Variants in CLVS1 observed in about 807,000 individuals in gnomAD.
CLVS1 encodes the protein clavesin 1.
In CLVS1, 10 loss-of-function variants were observed where a neutral mutation model predicts 33.1. The observed-to-expected ratio is 0.30, with a 90% confidence interval of 0.19 to 0.51. The LOEUF (loss-of-function observed/expected upper bound fraction) is 0.51, where lower values mean the gene tolerates loss of function less well. CLVS1 is among the 20% of genes least tolerant of loss of function. CLVS1 has a pLI of 0.97. For missense variants in CLVS1, 343 were observed against 433.4 expected (o/e 0.79, Z 1.85); for synonymous variants, 163 against 166.1 (o/e 0.98, Z 0.14).
chr8:61,217,373 G>A (rs1808111082), intron 2 of CLVS1, among the ~76,000 whole-genome samples: 1 of 152,144 alleles, frequency 6.6e-6, no homozygotes, highest in South Asian at 2.1e-4. Context: ...GGGAGAAGGA[G>A]GAGGGAAAGT....
intron 5 of CLVS1, among the ~76,000 whole-genome samples, chr8:61,468,716 TAAAAAAA>T (rs5891803): frequency 3.2e-5 from 3 of 92,484 alleles, no homozygotes; most frequent in African/African-American, 4.8e-5. Flanking sequence ...GTAAAAGTAC[TAAAAAAA>T]AAAAAAAAAA....
At chr8:61,145,295 A>T (rs1563419887) in intron 2 of CLVS1, among the ~76,000 whole-genome samples, 1 of 152,268 alleles carries the variant, frequency 6.6e-6, no homozygotes, top group Non-Finnish European at 1.5e-5. Flanking sequence ...TGGGCGAAGG[A>T]TATGAACAGA....
chr8:61,176,506 A>AT (rs574976637), intron 2 of CLVS1, among the ~76,000 whole-genome samples: 79 of 150,194 alleles, frequency 5.3e-4, no homozygotes, highest in East Asian at 2.3e-3. Flanking sequence ...TATGATTATG[A>AT]TTTTTTTTTT....
intron 1 of CLVS1, among the ~76,000 whole-genome samples, chr8:61,127,787 C>G (rs997164359): frequency 2.0e-5 from 3 of 152,062 alleles, no homozygotes; most frequent in Admixed American, 2.0e-4. Context: ...GACAGATATT[C>G]CCTCTCCTCA....
intron 2 of CLVS1, among the ~76,000 whole-genome samples, chr8:61,167,881 C>T (rs1806912738): frequency 6.6e-6 from 1 of 152,164 alleles, no homozygotes; most frequent in Admixed American, 6.5e-5. Context: ...AGAAAGTTAT[C>T]CTATATAGTC....
At chr8:61,309,894 C>T (rs1810775478) in intron 2 of CLVS1, among the ~76,000 whole-genome samples, 1 of 152,228 alleles carries the variant, frequency 6.6e-6, no homozygotes, top group South Asian at 2.1e-4. Context: ...TGAGGTTTGC[C>T]TTTGGCTTTT....
At chr8:60,974,327 C>T in the CLVS1 span, among the ~76,000 whole-genome samples, 2 of 152,186 alleles carry the variant, frequency 1.3e-5, no homozygotes, top group African/African-American at 2.4e-5. Context: ...TCATTTGCCA[C>T]CCTCCAGAGT....
chr8:61,114,615 A>G (rs182525365), intron 1 of CLVS1, among the ~76,000 whole-genome samples: 7 of 152,366 alleles, frequency 4.6e-5, no homozygotes, highest in African/African-American at 1.2e-4. Context: ...TGGTGAAGCT[A>G]TCACCTAGTA....
At chr8:61,259,581 G>A (rs1047564402) in intron 2 of CLVS1, among the ~76,000 whole-genome samples, 5 of 152,284 alleles carry the variant, frequency 3.3e-5, no homozygotes, top group South Asian at 2.1e-4. Flanking sequence ...GGACAAAATC[G>A]AAGATCTGGT....
rs112231313 is a variant in CLVS1 at position 61,150,679 on chromosome 8, A to C, written c.-152+18819A>C. On this transcript the variant is annotated intron_variant, in intron 2 of 2. Transcript: ENST00000522621. ...TCAAGGAATCCCAGCTGGTGTGTGC[A>C]TGTGTGTTCCTTGCCTAGGTAGCAT... Among the ~76,000 whole-genome samples the C allele has an allele frequency of 9.9e-3, 1,507 of 152,234 alleles. 31 individuals carry two copies. The highest frequency in any genetic ancestry group is 0.033 in the African/African-American group (1,386 of 41,534).
chr8:61,211,074 C>T (rs1807961309), intron 2 of CLVS1, among the ~76,000 whole-genome samples: 1 of 152,086 alleles, frequency 6.6e-6, no homozygotes, highest in African/African-American at 2.4e-5. Context: ...CAACCATGTA[C>T]AATGCAGTGA....
At chr8:61,065,984 G>T (rs989003138) in intron 1 of CLVS1, among the ~76,000 whole-genome samples, 1 of 152,090 alleles carries the variant, frequency 6.6e-6, no homozygotes, top group East Asian at 1.9e-4. Flanking sequence ...AGTGAGACCT[G>T]GAACATAACA....
chr8:61,045,273 G>A, the CLVS1 span, among the ~76,000 whole-genome samples: 1 of 152,198 alleles, frequency 6.6e-6, no homozygotes, highest in Non-Finnish European at 1.5e-5. Flanking sequence ...CACTCACTGA[G>A]ACTGAGACAT....
intron 3 of CLVS1, among the ~76,000 whole-genome samples, chr8:61,385,174 G>A (rs913710911): frequency 2.0e-5 from 3 of 152,134 alleles, no homozygotes; most frequent in Non-Finnish European, 4.4e-5. Context: ...ATATATTAAG[G>A]GTCTTCAAAT....
At chr8:61,376,851 G>C in intron 3 of CLVS1, 72 bp downstream of exon 3, 1 of 1,370,710 alleles carries the variant, frequency 7.3e-7, no homozygotes, top group East Asian at 2.4e-5. Context: ...CGCAACCAAA[G>C]TAATATTTAT....
chr8:61,366,414 G>T (rs1198606907), intron 2 of CLVS1, among the ~76,000 whole-genome samples: 1 of 152,128 alleles, frequency 6.6e-6, no homozygotes, highest in Non-Finnish European at 1.5e-5. Context: ...TGCAGGCATG[G>T]CCCTCTCCTA....
intron 2 of CLVS1, among the ~76,000 whole-genome samples, chr8:61,212,124 C>T (rs1025955291): frequency 1.3e-5 from 2 of 152,196 alleles, no homozygotes; most frequent in Non-Finnish European, 2.9e-5. Flanking sequence ...TGCAGTTTGT[C>T]GCAGTAGCCA....
intron 3 of CLVS1, among the ~76,000 whole-genome samples, chr8:61,450,021 G>A (rs1472319010): frequency 6.6e-6 from 1 of 152,186 alleles, no homozygotes; most frequent in Non-Finnish European, 1.5e-5. Context: ...GAACTCCATT[G>A]TTGCAGCAGA....
the CLVS1 span, among the ~76,000 whole-genome samples, chr8:61,052,101 C>T: frequency 3.9e-5 from 6 of 152,274 alleles, no homozygotes; most frequent in African/African-American, 9.6e-5. Context: ...TTGAGGTCAC[C>T]GCACCCCGTG....
Sources: allele counts gnomAD v4.1 joint callset (sites outside exome capture counted in the v4.1 genomes callset), GRCh38; gene constraint gnomAD v4.1.1; transcripts MANE v1.5; gene names NCBI Gene and HGNC (gene_info 2026-07-23, HGNC 2026-07-21).